MYO16: variants seen among roughly 807,000 people sequenced by gnomAD.
MYO16 encodes the protein myosin XVI.
MYO16 carries 94 observed loss-of-function variants against 205.3 expected under a neutral mutation model. The observed-to-expected ratio is 0.46, with a 90% CI of 0.39 to 0.54. MYO16 has a LOEUF of 0.54. Among genes scored for constraint, MYO16 ranks in the 20% least tolerant of loss-of-function variants. The pLI is 0.00. For synonymous variants in MYO16, 988 were observed against 954.0 expected (o/e 1.04, Z -0.66); for missense variants, 2,315 against 2,387.5 (o/e 0.97, Z 0.63).
At chr13:108,627,633 C>T (rs939702957), upstream of MYO16, among the ~76,000 whole-genome samples, 9 of 152,184 alleles carry the variant, frequency 5.9e-5, no homozygotes, top group East Asian at 1.9e-4. Context: ...TTAATTCTCA[C>T]GGGGTACCTT....
intron 23 of MYO16, among the ~76,000 whole-genome samples, chr13:109,045,829 T>G (rs34310688): frequency 2.0e-5 from 3 of 152,126 alleles, no homozygotes; most frequent in African/African-American, 7.2e-5. Context: ...ATCCATTCAC[T>G]GCAAAGAATC....
At chr13:108,497,370 TA>T in the MYO16 span, among the ~76,000 whole-genome samples, 23 of 152,268 alleles carry the variant, frequency 1.5e-4, no homozygotes, top group Non-Finnish European at 2.8e-4. Flanking sequence ...AGTTTGTTAA[TA>T]TTAAACAAGC....
the MYO16 span, among the ~76,000 whole-genome samples, chr13:108,560,275 G>A: frequency 6.6e-6 from 1 of 152,154 alleles, no homozygotes; most frequent in African/African-American, 2.4e-5. Flanking sequence ...CTTCGCTGGC[G>A]TGTTACCATG....
intron 6 of MYO16, among the ~76,000 whole-genome samples, chr13:108,800,081 T>C (rs189878): frequency 0.62 from 93,777 of 151,966 alleles, 29,765 homozygotes; most frequent in East Asian, 0.86. Flanking sequence ...TTCCAAATGG[T>C]CCTTTATGCT....
intron 23 of MYO16, among the ~76,000 whole-genome samples, chr13:109,031,001 G>T (rs1447461652): frequency 6.6e-6 from 1 of 152,124 alleles, no homozygotes; most frequent in African/African-American, 2.4e-5. Flanking sequence ...CACCCTCCTT[G>T]TTCTCTGGAC....
chr13:108,700,428 T>C (rs895806621), intron 2 of MYO16, among the ~76,000 whole-genome samples: 9 of 151,966 alleles, frequency 5.9e-5, no homozygotes, highest in Admixed American at 5.2e-4. Context: ...TTGTGGTCCT[T>C]TGACGATTGT....
chr13:108,583,750 G>A, the MYO16 span, among the ~76,000 whole-genome samples: 1 of 152,136 alleles, frequency 6.6e-6, no homozygotes, highest in Admixed American at 6.5e-5. Flanking sequence ...GTGGCACAAG[G>A]TAGAATATTT....
chr13:108,648,262 G>A (rs4555008), intron 1 of MYO16, among the ~76,000 whole-genome samples: 27,713 of 152,038 alleles, frequency 0.18, 3,860 homozygotes, highest in African/African-American at 0.38. Flanking sequence ...ATATTCCCTG[G>A]GCATGGTCAG....
intron 34 of MYO16, among the ~76,000 whole-genome samples, chr13:109,193,125 CTCTT>C (rs969479480): frequency 3.2e-4 from 49 of 152,300 alleles, no homozygotes; most frequent in African/African-American, 1.2e-3. Flanking sequence ...CTCTCCCTCT[CTCTT>C]TCTCTCTCTC....
chr13:108,830,333 C>A (rs1876536333), intron 9 of MYO16, among the ~76,000 whole-genome samples: 1 of 138,308 alleles, frequency 7.2e-6, no homozygotes, highest in Non-Finnish European at 1.6e-5. Context: ...TGGCACTATT[C>A]ACAATAGCAA....
At chr13:108,943,452 T>C (rs537868144) in intron 16 of MYO16, among the ~76,000 whole-genome samples, 1 of 152,166 alleles carries the variant, frequency 6.6e-6, no homozygotes, top group Non-Finnish European at 1.5e-5. Context: ...GTTTCCTCTT[T>C]TTTTTATTTT....
intron 32 of MYO16, among the ~76,000 whole-genome samples, chr13:109,154,121 T>C (rs1207765329): frequency 6.6e-6 from 1 of 152,252 alleles, no homozygotes; most frequent in Non-Finnish European, 1.5e-5. Context: ...TGAATCTCCA[T>C]AGATATTTTA....
chr13:109,140,847 G>C lies in MYO16; in HGVS notation c.4635G>C (p.Glu1545Asp). 9 of 1,597,952 alleles carry C rather than the reference G, an allele frequency of 5.6e-6. No homozygotes were observed. Among genetic ancestry groups the C allele is most frequent in the Non-Finnish European group, 6.8e-6 (8 of 1,173,772 alleles). The change falls in exon 32 of 35, where the codon GAG (glutamate) becomes GAC (aspartate). Residue 1545 changes from glutamate to aspartate, a missense_variant. Transcript: ENST00000457511. This position sits in a 1 kb window ranked among gnomAD's most constrained non-coding sequence, Gnocchi z 8.0. ...PLEVKKLPVL[E>D]TNLKYPVQPE... ...AGGTGAAGAAGCTGCCAGTCCTGGA[G>C]ACCAACCTCAAGTACCCCGTGCAGC...
At chr13:108,563,066 C>T in the MYO16 span, among the ~76,000 whole-genome samples, 1 of 152,132 alleles carries the variant, frequency 6.6e-6, no homozygotes. Context: ...AATTGCCTTA[C>T]TAGGAAACTC....
the MYO16 span, among the ~76,000 whole-genome samples, chr13:108,561,057 T>C: frequency 6.6e-6 from 1 of 152,208 alleles, no homozygotes; most frequent in African/African-American, 2.4e-5. Context: ...TTCTTACTCA[T>C]GATGCATATA....
chr13:109,204,405 T>G (rs951713709), intron 34 of MYO16, among the ~76,000 whole-genome samples: 1 of 152,206 alleles, frequency 6.6e-6, no homozygotes, highest in Non-Finnish European at 1.5e-5. Context: ...GAATGTTCCA[T>G]GTCCACACTA....
chr13:108,776,324 T>C (rs1304883942), intron 4 of MYO16, among the ~76,000 whole-genome samples: 1 of 152,078 alleles, frequency 6.6e-6, no homozygotes, highest in East Asian at 1.9e-4. Flanking sequence ...ATAGATTACA[T>C]AGAGAGGTGG....
At chr13:108,698,370 T>A (rs1216081398) in intron 2 of MYO16, among the ~76,000 whole-genome samples, 1 of 152,210 alleles carries the variant, frequency 6.6e-6, no homozygotes, top group African/African-American at 2.4e-5. Flanking sequence ...AGATGTGATT[T>A]CCGTTCCCAA....
At chr13:108,926,401 T>A (rs1882007000) in intron 16 of MYO16, among the ~76,000 whole-genome samples, 1 of 152,184 alleles carries the variant, frequency 6.6e-6, no homozygotes. Context: ...AAAGTCAAAT[T>A]GTTCAAAGTC....
Sources: gnomAD v4.1 joint callset for allele counts (sites outside exome capture counted in the v4.1 genomes callset) on GRCh38, gnomAD v4.1.1 for gene constraint, Gnocchi (gnomAD v3.1) non-coding constraint, MANE v1.5 for transcripts, NCBI Gene and HGNC (gene_info 2026-07-23, HGNC 2026-07-21) for gene names.